The following ABCA8 variants were observed in gnomAD, a reference collection of about 807,000 sequenced individuals.
ABCA8 encodes the protein ATP binding cassette subfamily A member 8, also known as ABC-type organic anion transporter ABCA8.
A neutral mutation model predicts 192.3 loss-of-function variants in ABCA8; 177 were observed. The observed-to-expected ratio is 0.92, with a 90% CI of 0.81 to 1.04. The LOEUF is 1.04. Among genes scored for constraint, ABCA8 ranks in the 50% least tolerant of loss-of-function variants. The pLI, the probability that ABCA8 is intolerant of heterozygous loss-of-function variation, is 0.00. For missense variants in ABCA8, 1,915 were observed against 1,904.8 expected, an observed-to-expected ratio of 1.01 and a Z score of -0.10; for synonymous variants, 642 against 690.2, an observed-to-expected ratio of 0.93 and a Z score of 1.09.
At chr17:68,875,084 A>G (rs1275105277) in intron 37 of ABCA8, among the ~76,000 whole-genome samples, 176 bp downstream of exon 37, 1 of 152,236 alleles carries the variant, frequency 6.6e-6, no homozygotes, top group African/African-American at 2.4e-5. Context: ...TAGTGGAACC[A>G]TGACATTTGC....
At chr17:68,919,193 ACAATTGTACAATGATTTGCG>A in intron 14 of ABCA8, 88 bp downstream of exon 14, 3 of 1,079,098 alleles carry the variant, frequency 2.8e-6, no homozygotes, top group Non-Finnish European at 3.9e-6. Flanking sequence ...TTCTTGTCCA[ACAATTGTACAATGATTTGCG>A]CACAAATAAT....
rs1277169803 is a variant in ABCA8 at position 68,938,416 on chromosome 17, C to T, written c.302-1301G>A. On this transcript the variant is annotated intron_variant, in intron 4 of 39. Transcript: ENST00000586539. Reference sequence around the variant, plus strand: ...TACTTAAGCTTGAGTGGAATTTGGACGGAAGTTGACAAAGAAAGGAAAAAA... The same window carrying T: ...TACTTAAGCTTGAGTGGAATTTGGATGGAAGTTGACAAAGAAAGGAAAAAA... Among the ~76,000 whole-genome samples the T allele has an allele frequency of 4.0e-5, 6 of 151,782 alleles. No homozygotes were observed. The South Asian group carries it at 1.0e-3, about 26-fold the overall frequency.
chr17:68,902,880 C>T lies in ABCA8; in HGVS notation c.2598-1G>A, dbSNP rs1007474191. On this transcript the variant is annotated splice_acceptor_variant, in intron 20 of 39. Transcript: ENST00000586539. LOFTEE classifies it high-confidence loss of function. ...AAATCCAGCCATTAGAATTAATAGC[C>T]TACACAAAAGAAAATTGCCAAAATG... 1.2e-6 allele frequency: 2 copies of T among 1,605,762 alleles called. No homozygotes were observed. Among genetic ancestry groups the T allele is most frequent in the African/African-American group, 2.7e-5 (2 of 74,650 alleles).
intron 21 of ABCA8, among the ~76,000 whole-genome samples, chr17:68,899,924 C>A (rs184687206): frequency 5.9e-5 from 9 of 152,136 alleles, no homozygotes; most frequent in Non-Finnish European, 2.9e-5. Flanking sequence ...ACATGATATA[C>A]CGAAACTTAT....
At chr17:68,953,964 G>T (rs2068641452) in intron 1 of ABCA8, among the ~76,000 whole-genome samples, 1 of 151,974 alleles carries the variant, frequency 6.6e-6, no homozygotes, top group South Asian at 2.1e-4. Flanking sequence ...CTACAGAGAG[G>T]GCAAAAGTTT....
chr17:68,935,155 T>G (rs1294247011), intron 5 of ABCA8, among the ~76,000 whole-genome samples: 2 of 149,500 alleles, frequency 1.3e-5, no homozygotes, highest in Admixed American at 6.8e-5. Flanking sequence ...AGTACAGTGG[T>G]GCAATCTCGG....
At chr17:68,919,873 C>A (rs1598260374) in intron 13 of ABCA8, 1 of 156,498 alleles carries the variant, frequency 6.4e-6, no homozygotes, top group South Asian at 1.9e-4. Context: ...GCTGTCCTAA[C>A]TGAAGCCCCA....
intron 38 of ABCA8, 50 bp from the exon 39 acceptor site, chr17:68,868,406 C>G: frequency 6.7e-7 from 1 of 1,484,762 alleles, no homozygotes; most frequent in Non-Finnish European, 9.4e-7. Context: ...ATCTAGAGGT[C>G]TCATAAATCA....
At chr17:68,950,264 G>T (rs1407661785) in intron 1 of ABCA8, among the ~76,000 whole-genome samples, 1 of 152,144 alleles carries the variant, frequency 6.6e-6, no homozygotes, top group Non-Finnish European at 1.5e-5. Flanking sequence ...TGGCCATACT[G>T]CCCGAAGTAA....
intron 36 of ABCA8, 68 bp from the exon 37 acceptor site, chr17:68,875,468 AT>A: frequency 6.2e-7 from 1 of 1,604,424 alleles, no homozygotes; most frequent in Non-Finnish European, 8.5e-7. Context: ...GAGAAACTTG[AT>A]TTGCTGCTAG....
In ABCA8 at chr17:68,907,201, A is replaced by G. The variant is rs144632750; in HGVS notation, c.2278+539T>C. Among the ~76,000 whole-genome samples the G allele has an allele frequency of 2.6e-5, 4 of 152,228 alleles. No individual in the cohort carries two copies. The East Asian group carries it at 5.8e-4, about 22-fold the overall frequency. ...GGAATGCTTGTGTTGTCACCATAAA[A>G]TGTGTATTTGAATGAATGTATATGT... On this transcript the variant is annotated intron_variant, in intron 18 of 39. Transcript: ENST00000586539.
chr17:68,870,259 C>T (rs1262732196), intron 37 of ABCA8, among the ~76,000 whole-genome samples: 1 of 152,144 alleles, frequency 6.6e-6, no homozygotes, highest in Non-Finnish European at 1.5e-5. Flanking sequence ...TTGCTGCAGC[C>T]CACTCTGTAA....
chr17:68,920,374 G>C (rs1302114010), intron 13 of ABCA8, among the ~76,000 whole-genome samples: 2 of 150,156 alleles, frequency 1.3e-5, no homozygotes, highest in African/African-American at 2.5e-5. Flanking sequence ...ATGTAACAAA[G>C]CTTTACATGC....
chr17:68,913,235 G>A (rs553981568), intron 17 of ABCA8, among the ~76,000 whole-genome samples: 29 of 152,102 alleles, frequency 1.9e-4, no homozygotes, highest in African/African-American at 6.7e-4. Flanking sequence ...AAAACCTATG[G>A]AATACGGTGG....
At chr17:68,888,874 G>A (rs957101222) in intron 24 of ABCA8, among the ~76,000 whole-genome samples, 3 of 152,164 alleles carry the variant, frequency 2.0e-5, no homozygotes, top group African/African-American at 7.2e-5. Flanking sequence ...TATCTAACAT[G>A]AGAAGACAGC....
intron 5 of ABCA8, among the ~76,000 whole-genome samples, chr17:68,934,492 A>G (rs999555948): frequency 6.6e-6 from 1 of 152,184 alleles, no homozygotes; most frequent in Admixed American, 6.5e-5. Context: ...GTTGAGTTGT[A>G]CTGTCTGTAT....
chr17:68,904,503 T>C (rs2143502012), intron 19 of ABCA8, among the ~76,000 whole-genome samples: 1 of 152,132 alleles, frequency 6.6e-6, no homozygotes, highest in Admixed American at 6.5e-5. Flanking sequence ...GGGGAGAAGA[T>C]TCCTGTGGAA....
At position 68,868,091 on chromosome 17, in the gene ABCA8, C is replaced by A; in HGVS notation, c.4860G>T (p.Glu1620Asp). The A allele has an allele frequency of 6.2e-7, 1 of 1,608,070 alleles. No homozygotes were observed. The highest frequency in any genetic ancestry group is 8.5e-7 in the Non-Finnish European group (1 of 1,178,042). The change falls in exon 40 of 40, where the codon GAG becomes GAT. Residue 1620 changes from glutamate to aspartate, a missense_variant. Coordinates refer to ENST00000586539, the MANE Select transcript of ABCA8 (RefSeq NM_001288985.2). ...GAACACAGAATTTGGGGTTTTAAGGCTCTTCCTGGGGGAGGAGCTTCCACT... is the reference window on the plus strand; with the variant it reads ...GAACACAGAATTTGGGGTTTTAAGGATCTTCCTGGGGGAGGAGCTTCCACT... Reference protein sequence around the residue: ...SVKWKLLPQEEP With the variant: ...SVKWKLLPQEDP
chr17:68,940,734 T>C, intron 4 of ABCA8, 24 bp downstream of exon 4: 1 of 1,583,714 alleles, frequency 6.3e-7, no homozygotes, highest in Non-Finnish European at 8.7e-7. Context: ...CCAGACATTC[T>C]TCTTAAGTAA....
Sources: gnomAD v4.1 joint callset for allele counts (sites outside exome capture counted in the v4.1 genomes callset) on GRCh38, gnomAD v4.1.1 for gene constraint, MANE v1.5 for transcripts, NCBI Gene and HGNC (gene_info 2026-07-23, HGNC 2026-07-21) for gene names.